BRD7: variants seen among roughly 807,000 people sequenced by gnomAD.
BRD7 encodes the protein bromodomain-containing protein 7.
A neutral mutation model predicts 82.1 loss-of-function variants in BRD7; 15 were observed. That is an observed-to-expected ratio of 0.18 (90% CI 0.12 to 0.28). The LOEUF is 0.28. BRD7 is among the 10% of genes least tolerant of loss of function. The probability of loss-of-function intolerance (pLI) is 1.00; values close to 1 mark genes in which losing one functional copy is unlikely to be tolerated. For synonymous variants in BRD7, 232 were observed against 266.9 expected, an observed-to-expected ratio of 0.87 and a Z score of 1.27; for missense variants, 638 against 779.9, an observed-to-expected ratio of 0.82 and a Z score of 2.17.
At chr16:50,359,289 G>A (rs932625357) in intron 2 of BRD7, among the ~76,000 whole-genome samples, 4 of 152,334 alleles carry the variant, frequency 2.6e-5, no homozygotes, top group East Asian at 1.9e-4. Context: ...GATAAACTAT[G>A]TAATTAGCTA....
chr16:50,353,801 T>C (rs1026558792), intron 4 of BRD7, among the ~76,000 whole-genome samples: 2 of 150,748 alleles, frequency 1.3e-5, no homozygotes, highest in East Asian at 2.0e-4. Flanking sequence ...GGTTTCACCA[T>C]GTTAGCCAGG....
intron 4 of BRD7, among the ~76,000 whole-genome samples, chr16:50,350,947 G>C (rs1414418411): frequency 1.3e-5 from 2 of 152,122 alleles, no homozygotes; most frequent in East Asian, 3.8e-4. Flanking sequence ...GATGAGTATT[G>C]GCATTGGGAT....
chr16:50,326,895 A>T (rs1277004810), intron 9 of BRD7, among the ~76,000 whole-genome samples: 1 of 152,214 alleles, frequency 6.6e-6, no homozygotes, highest in African/African-American at 2.4e-5. Context: ...AATACGTGAC[A>T]TAGAGAAATG....
At position 50,319,202 on chromosome 16, in the gene BRD7, C is replaced by G; in HGVS notation, c.*9G>C. 2 of 1,608,364 alleles carry G rather than the reference C, an allele frequency of 1.2e-6. No homozygotes were observed. Among genetic ancestry groups the G allele is most frequent in the Non-Finnish European group, 1.7e-6 (2 of 1,176,154 alleles). On this transcript the variant is annotated 3_prime_UTR_variant, in exon 17 of 17. Coordinates refer to ENST00000394688, the MANE Select transcript of BRD7 (RefSeq NM_013263.5). ...ATGTACATAATATATAATCAAATAC[C>G]AGGCAGCCTCAACTTCCACCAGGTC...
At chr16:50,354,960 A>G (rs1455631289) in intron 2 of BRD7, 38 bp from the exon 3 acceptor site, 1 of 1,600,726 alleles carries the variant, frequency 6.2e-7, no homozygotes, top group Non-Finnish European at 8.5e-7. Context: ...GAAATATTTC[A>G]GAACCAATAT....
intron 16 of BRD7, 29 bp from the exon 17 acceptor site, chr16:50,319,295 A>G (rs769225925): frequency 6.2e-7 from 1 of 1,605,128 alleles, no homozygotes; most frequent in South Asian, 1.1e-5. Context: ...ACTTAATTCA[A>G]CATTGTTTTT....
At chr16:50,325,911 C>T (rs1597030005) in intron 10 of BRD7, 28 bp from the exon 11 acceptor site, 3 of 1,558,710 alleles carry the variant, frequency 1.9e-6, no homozygotes, top group South Asian at 1.2e-5. Context: ...TACTGTAACA[C>T]TATTCTTTAA....
chr16:50,355,063 A>G, intron 2 of BRD7, 141 bp from the exon 3 acceptor site: 1 of 1,020,132 alleles, frequency 9.8e-7, no homozygotes, highest in Non-Finnish European at 1.4e-6. Context: ...ACTGCCATCT[A>G]CTGGAAAAGG....
At chr16:50,339,882 A>G in intron 6 of BRD7, 94 bp downstream of exon 6, 1 of 582,998 alleles carries the variant, frequency 1.7e-6, no homozygotes, top group Non-Finnish European at 2.8e-6. Flanking sequence ...CTAATAAAAT[A>G]AAATCAATAC....
At chr16:50,362,009 T>C (rs967949038) in intron 2 of BRD7, among the ~76,000 whole-genome samples, 36 of 152,194 alleles carry the variant, frequency 2.4e-4, no homozygotes, top group African/African-American at 8.4e-4. Flanking sequence ...TTAAGTACAA[T>C]ACTCATGACT....
chr16:50,338,637 C>T (rs2037917515), intron 6 of BRD7, among the ~76,000 whole-genome samples: 1 of 152,212 alleles, frequency 6.6e-6, no homozygotes, highest in African/African-American at 2.4e-5. Context: ...TTTGCAAAAT[C>T]CCTGTCCTAT....
At chr16:50,344,058 A>T (rs1044331773) in intron 5 of BRD7, among the ~76,000 whole-genome samples, 6 of 152,146 alleles carry the variant, frequency 3.9e-5, no homozygotes, top group African/African-American at 1.2e-4. Context: ...CCCCTCTGAG[A>T]TGAAGCTTCC....
chr16:50,323,711 G>T lies in BRD7; in HGVS notation c.1332-13C>A. On this transcript the variant is annotated splice_polypyrimidine_tract_variant and intron_variant, in intron 11 of 16. Coordinates refer to ENST00000394688, the MANE Select transcript of BRD7 (RefSeq NM_013263.5). ...AAACTCATGGATGCTGCAAGAGACA[G>T]TTAGGAAAGTCTCACATAAATCACC... 6.3e-7 allele frequency: 1 copy of T among 1,597,632 alleles called. No individual in the cohort carries two copies. Among genetic ancestry groups the T allele is most frequent in the Non-Finnish European group, 8.6e-7 (1 of 1,165,356 alleles).
At position 50,335,727 on chromosome 16, in the gene BRD7, C is replaced by T. The variant is rs368127100; in HGVS notation, c.703-832G>A. ...CCAGAGGCCATTCAAACAAGAACAA[C>T]GCAGCCCAGGAACAACAAATGACTC... On this transcript the variant is annotated intron_variant, in intron 6 of 16. Transcript: ENST00000394688. Among the ~76,000 whole-genome samples the T allele has an allele frequency of 8.5e-5, 13 of 152,296 alleles. No individual in the cohort carries two copies. In the East Asian group the frequency reaches 1.4e-3, roughly 16 times the overall value.
intron 5 of BRD7, chr16:50,349,749 T>C: frequency 2.6e-6 from 1 of 389,576 alleles, no homozygotes; most frequent in Non-Finnish European, 5.0e-6. Flanking sequence ...AAAATTTCAC[T>C]CTAAGGTTGG....
At chr16:50,330,795 T>C (rs1233842919) in intron 8 of BRD7, among the ~76,000 whole-genome samples, 2 of 152,130 alleles carry the variant, frequency 1.3e-5, no homozygotes, top group African/African-American at 2.4e-5. Context: ...CCTTGGTAAA[T>C]AAAACTAGTT....
chr16:50,344,318 C>T (rs752884124), intron 5 of BRD7, among the ~76,000 whole-genome samples: 20 of 152,176 alleles, frequency 1.3e-4, no homozygotes, highest in Admixed American at 1.1e-3. Context: ...GAAACCAGAG[C>T]GGAAAAGCTG....
At chr16:50,339,399 G>A (rs2037951990) in intron 6 of BRD7, among the ~76,000 whole-genome samples, 1 of 152,186 alleles carries the variant, frequency 6.6e-6, no homozygotes, top group African/African-American at 2.4e-5. Flanking sequence ...CTGCTCCTAG[G>A]CTAGGAACCT....
chr16:50,350,366 G>A (rs755752573), intron 4 of BRD7, among the ~76,000 whole-genome samples, 199 bp from the exon 5 acceptor site: 3 of 152,164 alleles, frequency 2.0e-5, no homozygotes, highest in Non-Finnish European at 4.4e-5. Context: ...CATACTAGCT[G>A]TACCCTCAGG....
Sources: allele counts gnomAD v4.1 joint callset (sites outside exome capture counted in the v4.1 genomes callset), GRCh38; gene constraint gnomAD v4.1.1; transcripts MANE v1.5; gene names NCBI Gene and HGNC (gene_info 2026-07-23, HGNC 2026-07-21).